ZDHHC15: variants seen among roughly 807,000 people sequenced by gnomAD.
ZDHHC15 encodes zDHHC palmitoyltransferase 15, also known as palmitoyltransferase ZDHHC15.
ZDHHC15 carries 19 observed loss-of-function variants against 31.7 expected under a neutral mutation model. That is an observed-to-expected ratio of 0.60 (90% CI 0.42 to 0.88). The LOEUF is 0.88. Ranked by LOEUF, ZDHHC15 falls within the 40% of genes least tolerant of loss-of-function variation. The probability of loss-of-function intolerance (pLI) is 0.00; values close to 1 mark genes in which losing one functional copy is unlikely to be tolerated. For synonymous variants in ZDHHC15, 103 were observed against 90.0 expected, an observed-to-expected ratio of 1.14 and a Z score of -0.82; for missense variants, 209 against 251.2, an observed-to-expected ratio of 0.83 and a Z score of 1.14.
At chrX:75,448,968 TGTG>T (rs2084071028) in intron 4 of ZDHHC15, among the ~76,000 whole-genome samples, 2 of 110,635 alleles carry the variant, frequency 1.8e-5, no homozygotes, top group Non-Finnish European at 3.8e-5. Context: ...AGAACAAAAA[TGTG>T]GAGGATGAGA....
In ZDHHC15 at chrX:75,384,839, AAAAT is replaced by A. The variant is rs2083162818; in HGVS notation, c.968-5645_968-5642del. 6 of 592,619 alleles carry A rather than the reference AAAAT, an allele frequency of 1.0e-5. No individual in the cohort carries two copies. In the Admixed American group the frequency reaches 1.4e-4, roughly 14 times the overall value. The allele number at this position is 592,619 out of a possible 1,213,427, so 48.8% of individuals were successfully genotyped here. On this transcript the variant is annotated intron_variant, in intron 10 of 11. Transcript: ENST00000373367. ...GAATTTATGGCATAATAGGTGTTAAAAAATAAATAAAAGACATCTGGGCTGTAAA... is the reference window on the plus strand; with the variant it reads ...GAATTTATGGCATAATAGGTGTTAAAAAATAAAAGACATCTGGGCTGTAAA...
intron 2 of ZDHHC15, among the ~76,000 whole-genome samples, chrX:75,481,616 T>G (rs1000930695): frequency 2.6e-4 from 29 of 112,080 alleles, no homozygotes; most frequent in African/African-American, 8.1e-4. Context: ...ATACCAATAT[T>G]TTAGAGTAAG....
chrX:75,403,314 C>T (rs1403505922), intron 10 of ZDHHC15, among the ~76,000 whole-genome samples: 5 of 111,793 alleles, frequency 4.5e-5, no homozygotes, highest in Non-Finnish European at 9.4e-5. Flanking sequence ...CCTTGAAAAC[C>T]GGCACAAGAC....
At chrX:75,451,588 T>C (rs187656315) in intron 3 of ZDHHC15, among the ~76,000 whole-genome samples, 2 of 111,561 alleles carry the variant, frequency 1.8e-5, no homozygotes, top group East Asian at 5.6e-4. Context: ...TGCCGAAGGG[T>C]AGACTGAGTT....
chrX:75,450,957 C>G (rs753844604), intron 3 of ZDHHC15, 35 bp from the exon 4 acceptor site: 7 of 1,180,642 alleles, frequency 5.9e-6, no homozygotes, highest in Admixed American at 2.4e-5. Context: ...ACTTTATTAT[C>G]TAAAGTTAAT....
chrX:75,516,072 A>G (rs1187993965), intron 1 of ZDHHC15, among the ~76,000 whole-genome samples: 2 of 111,344 alleles, frequency 1.8e-5, no homozygotes, highest in East Asian at 5.6e-4. Context: ...CCACTGCTCA[A>G]TTAAATAAAA....
At chrX:75,400,393 C>T (rs759903889) in intron 10 of ZDHHC15, among the ~76,000 whole-genome samples, 45 of 111,364 alleles carry the variant, frequency 4.0e-4, no homozygotes, top group African/African-American at 1.4e-3. Context: ...AACTTGAAGA[C>T]TGGTTCTCTG....
At chrX:75,373,090 G>C (rs895180973) in intron 11 of ZDHHC15, 145 bp from the exon 12 acceptor site, 4 of 110,950 alleles carry the variant, frequency 3.6e-5, no homozygotes, top group African/African-American at 9.8e-5. Context: ...AAGTGAAAAA[G>C]GCAGGATATA....
chrX:75,428,744 T>G (rs898107725), intron 7 of ZDHHC15, among the ~76,000 whole-genome samples: 2 of 111,674 alleles, frequency 1.8e-5, no homozygotes, highest in African/African-American at 6.5e-5. Flanking sequence ...GTTTCAACAT[T>G]TTTCAAATCT....
At chrX:75,390,735 T>C (rs919826525) in intron 10 of ZDHHC15, among the ~76,000 whole-genome samples, 5 of 111,420 alleles carry the variant, frequency 4.5e-5, no homozygotes, top group African/African-American at 1.6e-4. Context: ...CGGAAAGCCT[T>C]CCCAGGGAGG....
chrX:75,496,447 C>T (rs1398862273), intron 2 of ZDHHC15, among the ~76,000 whole-genome samples: 2 of 111,131 alleles, frequency 1.8e-5, no homozygotes, highest in Non-Finnish European at 3.8e-5. Flanking sequence ...GACTGGTCAT[C>T]AAGACAGAAA....
chrX:75,486,780 C>T (rs1355028316), intron 2 of ZDHHC15, among the ~76,000 whole-genome samples: 1 of 110,616 alleles, frequency 9.0e-6, no homozygotes, highest in Admixed American at 9.6e-5. Context: ...GGGAACATAA[C>T]TTCATTGCCT....
At chrX:75,457,645 T>TCACACACACACA (rs35992807) in intron 3 of ZDHHC15, among the ~76,000 whole-genome samples, 114 of 93,921 alleles carry the variant, frequency 1.2e-3, no homozygotes, top group African/African-American at 4.1e-3. Flanking sequence ...TTATTTACAC[T>TCACACACACACA]CACACACACA....
At chrX:75,472,411 G>A (rs897749523) in intron 3 of ZDHHC15, among the ~76,000 whole-genome samples, 3 of 112,211 alleles carry the variant, frequency 2.7e-5, no homozygotes, top group African/African-American at 9.7e-5. Flanking sequence ...TGTGCACTTT[G>A]CATGGAGGAA....
intron 10 of ZDHHC15, among the ~76,000 whole-genome samples, chrX:75,414,673 C>T (rs1458391086): frequency 9.7e-6 from 1 of 102,783 alleles, no homozygotes; most frequent in Non-Finnish European, 2.0e-5. Flanking sequence ...CTCCTGACCT[C>T]GTGATCTGCC....
intron 2 of ZDHHC15, among the ~76,000 whole-genome samples, chrX:75,495,942 A>G (rs1026066553): frequency 1.8e-5 from 2 of 110,596 alleles, no homozygotes; most frequent in East Asian, 2.8e-4. Context: ...TAAAAAAAAA[A>G]AAAGAAAAAC....
At chrX:75,491,471 T>G (rs2084890207) in intron 2 of ZDHHC15, among the ~76,000 whole-genome samples, 1 of 64,421 alleles carries the variant, frequency 1.6e-5, no homozygotes, top group East Asian at 5.8e-4. Flanking sequence ...CTCTGGGGAC[T>G]GTTGTGGGGT....
chrX:75,501,878 T>G (rs2085092894), intron 2 of ZDHHC15: 1 of 111,853 alleles, frequency 8.9e-6, no homozygotes, highest in East Asian at 2.8e-4. Flanking sequence ...AAAATTTTCT[T>G]CCATTCTGTA....
Position 75,486,005 on chromosome X carries a change from C to T in ZDHHC15, c.164-7020G>A, listed in dbSNP as rs760283205. Among the ~76,000 whole-genome samples, 4 of 110,756 alleles carry T rather than the reference C, an allele frequency of 3.6e-5. No homozygotes were observed. In the East Asian group the frequency reaches 8.5e-4, roughly 24 times the overall value. ...TGGTGACTCACATGGTGAACTTTTG[C>T]CCCAAGACCCACTGCAAGAACATAC... On this transcript the variant is annotated intron_variant, in intron 2 of 11. Coordinates refer to ENST00000373367, the MANE Select transcript of ZDHHC15 (RefSeq NM_144969.3).
Sources: allele counts gnomAD v4.1 joint callset (sites outside exome capture counted in the v4.1 genomes callset), GRCh38; gene constraint gnomAD v4.1.1; transcripts MANE v1.5; gene names NCBI Gene and HGNC (gene_info 2026-07-23, HGNC 2026-07-21).